The following MED30 variants were observed in gnomAD, a reference collection of about 807,000 sequenced individuals.
MED30 encodes the protein mediator complex subunit 30, also known as mediator of RNA polymerase II transcription subunit 30.
A neutral mutation model predicts 21.7 loss-of-function variants in MED30; 8 were observed. The ratio of observed to expected loss-of-function variants is 0.37; its 90% CI spans 0.22 to 0.67. MED30 has a LOEUF of 0.67. Ranked by LOEUF, MED30 falls within the 30% of genes least tolerant of loss-of-function variation. MED30 has a pLI of 0.58. For missense variants in MED30, 203 were observed against 228.2 expected, an observed-to-expected ratio of 0.89 and a Z score of 0.71; for synonymous variants, 79 against 86.7, an observed-to-expected ratio of 0.91 and a Z score of 0.49.
chr8:117,538,193 C>T (rs1329302669), intron 3 of MED30, among the ~76,000 whole-genome samples: 1 of 152,154 alleles, frequency 6.6e-6, no homozygotes, highest in Non-Finnish European at 1.5e-5. Flanking sequence ...CATCTGAAAA[C>T]TTGTGCAAGG....
At chr8:117,539,113 G>A (rs918371806) in intron 3 of MED30, among the ~76,000 whole-genome samples, 1 of 152,154 alleles carries the variant, frequency 6.6e-6, no homozygotes, top group African/African-American at 2.4e-5. Flanking sequence ...CTCTTATGAG[G>A]TAGTTTCAAT....
chr8:117,535,374 G>A (rs773938540), intron 3 of MED30, among the ~76,000 whole-genome samples: 6 of 151,264 alleles, frequency 4.0e-5, no homozygotes, highest in South Asian at 2.1e-4. Context: ...GGTTACAGGC[G>A]TGCACCACCA....
intron 1 of MED30, among the ~76,000 whole-genome samples, chr8:117,521,445 C>T (rs1172175082): frequency 6.6e-6 from 1 of 151,960 alleles, no homozygotes; most frequent in Non-Finnish European, 1.5e-5. Context: ...AACAGTCCTC[C>T]TTTTTTTGGC....
intron 3 of MED30, 73 bp downstream of exon 3, chr8:117,530,900 CAA>C: frequency 1.0e-6 from 1 of 999,086 alleles, no homozygotes; most frequent in Non-Finnish European, 1.5e-6. Context: ...GATGTAACTC[CAA>C]AACATAATTT....
At chr8:117,529,950 C>G (rs1349332016) in intron 2 of MED30, among the ~76,000 whole-genome samples, 3 of 151,806 alleles carry the variant, frequency 2.0e-5, no homozygotes, top group Non-Finnish European at 4.4e-5. Context: ...ATATATATCC[C>G]AAGAATTTGA....
At chr8:117,524,202 T>G (rs6993408) in intron 1 of MED30, 11,317 of 152,520 alleles carry the variant, frequency 0.074, 498 homozygotes, top group South Asian at 0.12. Context: ...AAGATAACAA[T>G]GGGCTCCTTC....
intron 3 of MED30, among the ~76,000 whole-genome samples, chr8:117,537,490 T>TTA (rs1818899845): frequency 6.6e-6 from 1 of 152,212 alleles, no homozygotes; most frequent in Admixed American, 6.5e-5. Flanking sequence ...ATTTTTTTAA[T>TTA]TTAAAACTTT....
chr8:117,535,499 A>T (rs1163369803), intron 3 of MED30, among the ~76,000 whole-genome samples: 2 of 151,244 alleles, frequency 1.3e-5, no homozygotes, highest in African/African-American at 2.4e-5. Flanking sequence ...AAGTGCTGGG[A>T]TTACGGGCGT....
chr8:117,526,365 TTTTCTG>T (rs1818720701), intron 1 of MED30, among the ~76,000 whole-genome samples: 1 of 152,112 alleles, frequency 6.6e-6, no homozygotes, highest in Non-Finnish European at 1.5e-5. Flanking sequence ...GTAGACATCC[TTTTCTG>T]TTTCTGATCT....
intron 1 of MED30, chr8:117,523,974 A>T: frequency 7.9e-6 from 2 of 251,958 alleles, no homozygotes; most frequent in Non-Finnish European, 1.6e-5. Flanking sequence ...GCGCCACTGC[A>T]CTCCAGGCTG....
intron 3 of MED30, among the ~76,000 whole-genome samples, chr8:117,534,798 T>A (rs957234957): frequency 1.5e-4 from 22 of 142,504 alleles, no homozygotes; most frequent in Middle Eastern, 3.8e-3. Context: ...TAAATTTAAA[T>A]CCCAAATAAG....
chr8:117,526,889 C>T (rs1231848568), intron 1 of MED30, among the ~76,000 whole-genome samples: 1 of 151,880 alleles, frequency 6.6e-6, no homozygotes, highest in Non-Finnish European at 1.5e-5. Flanking sequence ...TTCTTTATGA[C>T]AGTATTTATC....
chr8:117,530,313 C>T (rs1818775785), intron 2 of MED30: 1 of 152,300 alleles, frequency 6.6e-6, no homozygotes, highest in South Asian at 2.1e-4. Context: ...TTTTATCTAT[C>T]TCAATAGACT....
intron 2 of MED30, chr8:117,530,423 T>C (rs75115942): frequency 0.012 from 2,103 of 172,380 alleles, 44 homozygotes; most frequent in East Asian, 0.052. Flanking sequence ...TTTTAAATTT[T>C]TATTTTATTT....
intron 3 of MED30, among the ~76,000 whole-genome samples, chr8:117,532,383 C>CT (rs1417331704): frequency 6.6e-6 from 1 of 151,780 alleles, no homozygotes; most frequent in African/African-American, 2.4e-5. Flanking sequence ...AAAAATTAAA[C>CT]TGTAATATGA....
At chr8:117,523,512 A>T in intron 1 of MED30, 1 of 1,593,700 alleles carries the variant, frequency 6.3e-7, no homozygotes. Context: ...GGGGCAGATG[A>T]AGGTAATCAC....
At chr8:117,532,853 A>C (rs1818810106) in intron 3 of MED30, among the ~76,000 whole-genome samples, 1 of 152,064 alleles carries the variant, frequency 6.6e-6, no homozygotes, top group South Asian at 2.1e-4. Context: ...CTTTTAGTTT[A>C]GATCTTGAAA....
intron 3 of MED30, among the ~76,000 whole-genome samples, chr8:117,535,365 G>T (rs62521201): frequency 0.02 from 3,033 of 151,148 alleles, 51 homozygotes; most frequent in African/African-American, 0.036. Context: ...AGTAGCTGGG[G>T]TTACAGGCGT....
At chr8:117,524,166 T>TGTCATAA (rs765056413) in intron 1 of MED30, 1 of 152,890 alleles carries the variant, frequency 6.5e-6, no homozygotes, top group Non-Finnish European at 1.5e-5. Flanking sequence ...TCCAGGACCC[T>TGTCATAA]TTGGGGCCTA....
Sources: gnomAD v4.1 joint callset for allele counts (sites outside exome capture counted in the v4.1 genomes callset) on GRCh38, gnomAD v4.1.1 for gene constraint, MANE v1.5 for transcripts, NCBI Gene and HGNC (gene_info 2026-07-23, HGNC 2026-07-21) for gene names.